Variants in MAP4K1 observed in about 807,000 individuals in gnomAD.
MAP4K1 encodes the protein MAPK/ERK kinase kinase kinase 1.
A neutral mutation model predicts 122.8 loss-of-function variants in MAP4K1; 35 were observed. That is an observed-to-expected ratio of 0.29 (90% CI 0.22 to 0.38). The LOEUF (loss-of-function observed/expected upper bound fraction) is 0.38, where lower values mean the gene tolerates loss of function less well. Among genes scored for constraint, MAP4K1 ranks in the 10% least tolerant of loss-of-function variants. MAP4K1 has a pLI of 1.00. For synonymous variants in MAP4K1, 412 were observed against 421.3 expected (o/e 0.98, Z 0.27); for missense variants, 791 against 1,072.6 (o/e 0.74, Z 3.67).
At chr19:38,613,848 C>T in intron 8 of MAP4K1, 32 bp downstream of exon 8, 1 of 1,561,292 alleles carries the variant, frequency 6.4e-7, no homozygotes. Flanking sequence ...GACCCCCACT[C>T]CACCCCTAGC....
At chr19:38,613,355 T>G (rs1975557102) in intron 8 of MAP4K1, among the ~76,000 whole-genome samples, 1 of 137,000 alleles carries the variant, frequency 7.3e-6, no homozygotes, top group African/African-American at 2.7e-5. Flanking sequence ...AACAACACCA[T>G]CTCTACACAA....
chr19:38,610,182 G>C (rs1216082987), intron 11 of MAP4K1, among the ~76,000 whole-genome samples, 157 bp from the exon 12 acceptor site: 1 of 151,964 alleles, frequency 6.6e-6, no homozygotes, highest in Non-Finnish European at 1.5e-5. Context: ...GAAATCCAGG[G>C]AACTCAGAGG....
intron 8 of MAP4K1, 146 bp from the exon 9 acceptor site, chr19:38,612,888 G>A (rs936720822): frequency 1.2e-6 from 1 of 830,820 alleles, no homozygotes; most frequent in African/African-American, 1.7e-5. Context: ...GACAGACACA[G>A]GCAGATGAAG....
chr19:38,595,693 A>G lies in MAP4K1; in HGVS notation c.2216T>C (p.Val739Ala), dbSNP rs1281373581. The change falls in exon 28 of 31, where the codon GTC (valine) becomes GCC (alanine). Residue 739 changes from valine (V) to alanine (A), a missense_variant. By Grantham distance (64) the Val-to-Ala change is moderately conservative. This residue lies in a region of MAP4K1 where 267 missense variants were observed against 323.0 expected (regional missense o/e 0.83). Coordinates refer to ENST00000396857, the MANE Select transcript of MAP4K1 (RefSeq NM_001042600.3). The part of the protein sequence containing the change: ...VKLVTPEGSP[V>A]RGLRTPEIPM... Reference sequence around the variant, plus strand: ...GATCTCAGGTGTGCGAAGTCCCCGGACTGGGGACCCCTCCGGGGTCACCAG... The same window carrying G: ...GATCTCAGGTGTGCGAAGTCCCCGGGCTGGGGACCCCTCCGGGGTCACCAG... 1.9e-6 allele frequency: 3 copies of G among 1,612,146 alleles called. No homozygotes were observed. Among genetic ancestry groups the G allele is most frequent in the African/African-American group, 2.7e-5 (2 of 74,874 alleles).
At chr19:38,606,309 G>T in intron 16 of MAP4K1, 94 bp from the exon 17 acceptor site, 1 of 636,788 alleles carries the variant, frequency 1.6e-6, no homozygotes, top group Non-Finnish European at 2.8e-6. Context: ...CGGGACTGGG[G>T]TCTGAGGTGA....
chr19:38,608,463 A>G (rs1380544361), intron 13 of MAP4K1, among the ~76,000 whole-genome samples: 3 of 151,870 alleles, frequency 2.0e-5, no homozygotes, highest in Non-Finnish European at 4.4e-5. Context: ...ACCTGCCTGG[A>G]CAACTGGGCA....
intron 25 of MAP4K1, 36 bp downstream of exon 25, chr19:38,596,998 T>C (rs755251014): frequency 1.3e-6 from 2 of 1,592,848 alleles, no homozygotes; most frequent in South Asian, 1.1e-5. Flanking sequence ...AGCCACCCAC[T>C]CCTCAGAGTT....
chr19:38,596,316 G>C lies in MAP4K1; in HGVS notation c.2112C>G (p.Ser704Arg). 6.3e-7 allele frequency: 1 copy of C among 1,575,520 alleles called. No homozygotes were observed. Among genetic ancestry groups the C allele is most frequent in the Non-Finnish European group, 8.6e-7 (1 of 1,159,502 alleles). ...GCAAGACTCCGCCCCACTCACCGGT[G>C]CTCATCTCGCCCAGCCAGCAAGAGA... ...GALSCWLGEM[S>R]TEHRGPVQVT... The change falls in exon 26 of 31, where the codon AGC (serine) becomes AGG (arginine). Residue 704 changes from serine to arginine, a missense_variant. Around this residue, in one of 4 missense-constraint regions of MAP4K1, gnomAD observed 267 missense variants for 323.0 expected, o/e 0.83. Transcript: ENST00000396857.
At chr19:38,599,738 C>A (rs1311532049) in intron 22 of MAP4K1, among the ~76,000 whole-genome samples, 187 bp downstream of exon 22, 3 of 152,082 alleles carry the variant, frequency 2.0e-5, no homozygotes, top group East Asian at 3.8e-4. Context: ...CTATTGTGAA[C>A]CCCATTTTAC....
intron 3 of MAP4K1, among the ~76,000 whole-genome samples, chr19:38,616,762 C>CT (rs1281432815): frequency 6.6e-6 from 1 of 152,124 alleles, no homozygotes; most frequent in African/African-American, 2.4e-5. Flanking sequence ...AATTCAGTTA[C>CT]TATGAAGAGA....
At position 38,596,354 on chromosome 19, in the gene MAP4K1, G is replaced by T; in HGVS notation, c.2074C>A (p.Arg692Ser). 1 of 1,602,056 alleles carries T rather than the reference G, an allele frequency of 6.2e-7. No individual in the cohort carries two copies. The highest frequency in any genetic ancestry group is 8.5e-7 in the Non-Finnish European group (1 of 1,176,088). ...PGKSVLFHTV[R>S]FGALSCWLGE... is the part of the protein sequence containing the mutation. ...AGCCAGCAAGAGAGCGCGCCAAAGCGCACCGTGTGGAAGAGCACCGACTTC... is the reference window on the plus strand; with the variant it reads ...AGCCAGCAAGAGAGCGCGCCAAAGCTCACCGTGTGGAAGAGCACCGACTTC... The change falls in exon 26 of 31, where the codon CGC (arginine) becomes AGC (serine). Residue 692 changes from arginine (R) to serine (S), a missense_variant. Around this residue, in one of 4 missense-constraint regions of MAP4K1, gnomAD observed 267 missense variants for 323.0 expected, o/e 0.83. Coordinates refer to ENST00000396857, the MANE Select transcript of MAP4K1 (RefSeq NM_001042600.3).
chr19:38,616,277 T>G lies in MAP4K1; in HGVS notation c.249-18A>C. 6.3e-7 allele frequency: 1 copy of G among 1,594,742 alleles called. No individual in the cohort carries two copies. The highest frequency in any genetic ancestry group is 8.6e-7 in the Non-Finnish European group (1 of 1,166,110). On this transcript the variant is annotated intron_variant, in intron 3 of 30. Transcript: ENST00000396857. The stretch of plus-strand genomic sequence containing the variant: ...TCTGCAACCTGCAGTGGTTCAAGAG[T>G]AAGAATAATAATAGCAGTAAATACA...
intron 19 of MAP4K1, 131 bp downstream of exon 19, chr19:38,605,278 G>C (rs1975290028): frequency 1.5e-6 from 1 of 681,148 alleles, no homozygotes; most frequent in South Asian, 1.8e-5. Context: ...TAGGAGATAA[G>C]TGTAGGGCAC....
At chr19:38,594,760 G>A (rs974794663) in intron 29 of MAP4K1, among the ~76,000 whole-genome samples, 1 of 151,326 alleles carries the variant, frequency 6.6e-6, no homozygotes, top group Non-Finnish European at 1.5e-5. Flanking sequence ...GCAACATGGT[G>A]AAACCCTGTC....
At chr19:38,595,443 G>A (rs758410901) in intron 29 of MAP4K1, 42 bp downstream of exon 29, 35 of 1,602,918 alleles carry the variant, frequency 2.2e-5, no homozygotes, top group Non-Finnish European at 2.9e-5. Context: ...TCATGATGGA[G>A]GCTGGGGGGC....
intron 29 of MAP4K1, among the ~76,000 whole-genome samples, chr19:38,595,117 C>T (rs756185168): frequency 5.3e-5 from 8 of 151,430 alleles, no homozygotes; most frequent in South Asian, 2.1e-4. Context: ...GGTGAAACCC[C>T]GTCTCTACTG....
intron 19 of MAP4K1, among the ~76,000 whole-genome samples, chr19:38,602,792 A>G (rs1028897483): frequency 3.4e-4 from 48 of 140,476 alleles, no homozygotes; most frequent in African/African-American, 1.1e-3. Flanking sequence ...ATACATATAT[A>G]CACACATACA....
intron 13 of MAP4K1, among the ~76,000 whole-genome samples, chr19:38,608,390 C>T (rs922608095): frequency 2.6e-5 from 4 of 151,720 alleles, no homozygotes; most frequent in African/African-American, 9.7e-5. Context: ...CAGTGGCTCA[C>T]GCCTATAATC....
intron 29 of MAP4K1, among the ~76,000 whole-genome samples, chr19:38,594,806 C>T (rs12460221): frequency 1.3e-3 from 187 of 148,098 alleles, no homozygotes; most frequent in African/African-American, 4.3e-3. Flanking sequence ...CTAAGCATGG[C>T]GGCATGCACC....
Sources: allele counts gnomAD v4.1 joint callset (sites outside exome capture counted in the v4.1 genomes callset), GRCh38; gene constraint gnomAD v4.1.1; regional missense constraint gnomAD v4.1.1; transcripts MANE v1.5; gene names NCBI Gene and HGNC (gene_info 2026-07-23, HGNC 2026-07-21).